The following RTN4 variants were observed in gnomAD, a reference collection of about 807,000 sequenced individuals.
The protein encoded by RTN4 is reticulon-4.
A neutral mutation model predicts 90.4 loss-of-function variants in RTN4; 32 were observed. That is an observed-to-expected ratio of 0.35 (90% CI 0.27 to 0.48). The LOEUF is 0.48. RTN4 is among the 20% of genes least tolerant of loss of function. RTN4 has a pLI of 0.99. For synonymous variants in RTN4, 629 were observed against 552.5 expected, an observed-to-expected ratio of 1.14 and a Z score of -1.94; for missense variants, 1,706 against 1,430.2, an observed-to-expected ratio of 1.19 and a Z score of -3.11.
Position 55,009,231 on chromosome 2 carries a change from T to C in RTN4, c.3013+15855A>G, listed in dbSNP as rs545740138. Reference sequence around the variant, plus strand: ...CAGGAAAAAAATTGCTTACGTAGAATGTCTATTTTGGACTACTTAAAAATA... The same window carrying C: ...CAGGAAAAAAATTGCTTACGTAGAACGTCTATTTTGGACTACTTAAAAATA... On this transcript the variant is annotated intron_variant, in intron 3 of 8. Transcript: ENST00000337526. Among the ~76,000 whole-genome samples the C allele has an allele frequency of 1.6e-3, 246 of 152,300 alleles. 1 individual carries two copies. The highest frequency in any genetic ancestry group is 2.9e-3 in the Non-Finnish European group (197 of 68,006).
intron 1 of RTN4, among the ~76,000 whole-genome samples, chr2:55,091,988 G>A (rs1668946769): frequency 6.6e-6 from 1 of 152,084 alleles, no homozygotes; most frequent in Admixed American, 6.5e-5. Context: ...CAACATGTGG[G>A]AATTCTGGGA....
chr2:55,026,019 A>G lies in RTN4; in HGVS notation c.2080T>C (p.Tyr694His). The stretch of plus-strand genomic sequence containing the variant: ...ATTAAATCACATGCAATAGATATAT[A>G]AGGAGCTTCTGTTTCTTGAAGAGCT... ...NAALQETEAP[Y>H]ISIACDLIKE... Residue 694 changes from tyrosine (Y) to histidine (H), a missense_variant, in exon 3 of 9, where the codon TAT (tyrosine) becomes CAT (histidine). Coordinates refer to ENST00000337526, the MANE Select transcript of RTN4 (RefSeq NM_020532.5). 6.2e-7 allele frequency: 1 copy of G among 1,612,156 alleles called. No homozygotes were observed. The highest frequency in any genetic ancestry group is 8.5e-7 in the Non-Finnish European group (1 of 1,179,536).
At chr2:55,096,567 C>T (rs1428102508) in intron 1 of RTN4, among the ~76,000 whole-genome samples, 3 of 152,202 alleles carry the variant, frequency 2.0e-5, no homozygotes, top group East Asian at 1.9e-4. Flanking sequence ...TCCTGCACCA[C>T]GTTATCAAAG....
Position 54,990,570 on chromosome 2 carries a change from A to G in RTN4, c.3014-2872T>C, listed in dbSNP as rs1043321309. Among the ~76,000 whole-genome samples, 29 of 152,310 alleles carry G rather than the reference A, an allele frequency of 1.9e-4. 1 individual carries two copies. The highest frequency in any genetic ancestry group is 7.0e-4 in the African/African-American group (29 of 41,552). Reference sequence around the variant, plus strand: ...ACCACAATCACAATCATCTTACTCAATACTTAAATAGTAAATACATAAAGA... The same window carrying G: ...ACCACAATCACAATCATCTTACTCAGTACTTAAATAGTAAATACATAAAGA... On this transcript the variant is annotated intron_variant, in intron 3 of 8. Transcript: ENST00000337526.
At chr2:55,046,921 C>T (rs555312027) in intron 1 of RTN4, 4 of 152,376 alleles carry the variant, frequency 2.6e-5, no homozygotes, top group African/African-American at 9.6e-5. Context: ...AGCATTCCAA[C>T]ACACAAGATT....
At chr2:55,000,264 A>T (rs1251808550) in intron 3 of RTN4, among the ~76,000 whole-genome samples, 1 of 152,162 alleles carries the variant, frequency 6.6e-6, no homozygotes, top group Admixed American at 6.5e-5. Context: ...TTACTGCTAC[A>T]AAAGTATCTC....
chr2:55,108,196 C>T (rs1343758814), intron 1 of RTN4, among the ~76,000 whole-genome samples: 3 of 152,122 alleles, frequency 2.0e-5, no homozygotes, highest in Admixed American at 2.0e-4. Context: ...TTCAGGTGAT[C>T]CACCTGCCTC....
intron 1 of RTN4, among the ~76,000 whole-genome samples, chr2:55,046,241 A>G (rs759107882): frequency 2.0e-5 from 3 of 152,174 alleles, no homozygotes; most frequent in Non-Finnish European, 4.4e-5. Flanking sequence ...TTCCAAACTT[A>G]TTTTAGTTCC....
chr2:55,085,156 TTAA>T (rs1313873584), intron 1 of RTN4, among the ~76,000 whole-genome samples: 1 of 152,186 alleles, frequency 6.6e-6, no homozygotes, highest in Non-Finnish European at 1.5e-5. Flanking sequence ...GCACACTGTA[TTAA>T]TTAGGGTTCT....
chr2:55,103,865 T>G (rs1432346113), intron 1 of RTN4, among the ~76,000 whole-genome samples: 1 of 151,924 alleles, frequency 6.6e-6, no homozygotes, highest in Non-Finnish European at 1.5e-5. Context: ...CGCCTAATTT[T>G]TGTATATTTA....
chr2:55,048,031 A>C (rs1667865881), intron 1 of RTN4, among the ~76,000 whole-genome samples: 1 of 152,228 alleles, frequency 6.6e-6, no homozygotes, highest in Non-Finnish European at 1.5e-5. Flanking sequence ...AGAGCCTACT[A>C]CATACCTATA....
chr2:55,119,257 T>G, the RTN4 span, among the ~76,000 whole-genome samples: 1 of 152,248 alleles, frequency 6.6e-6, no homozygotes, highest in East Asian at 1.9e-4. Context: ...TCAAGTTTCC[T>G]GCAATTACTC....
intron 1 of RTN4, among the ~76,000 whole-genome samples, chr2:55,042,159 G>C (rs746004401): frequency 5.9e-5 from 9 of 152,076 alleles, no homozygotes; most frequent in Non-Finnish European, 1.3e-4. Flanking sequence ...AAAGATATAA[G>C]GGAAAAGGTA....
chr2:55,129,362 C>T, the RTN4 span, among the ~76,000 whole-genome samples: 2 of 151,912 alleles, frequency 1.3e-5, no homozygotes, highest in Admixed American at 6.6e-5. Context: ...TCACTTGAGC[C>T]CAGGAGTTCG....
chr2:55,049,265 T>C (rs904116943), intron 1 of RTN4: 22 of 713,494 alleles, frequency 3.1e-5, no homozygotes, highest in Non-Finnish European at 3.4e-5. Context: ...CGGGGCAGAA[T>C]GCAGGCCAAC....
At chr2:55,097,596 G>A (rs560102084) in intron 1 of RTN4, among the ~76,000 whole-genome samples, 26 of 152,210 alleles carry the variant, frequency 1.7e-4, no homozygotes, top group African/African-American at 3.4e-4. Context: ...AGGAGGCCTC[G>A]AAGAGGCAGA....
chr2:55,000,129 G>A (rs753408693), intron 3 of RTN4, among the ~76,000 whole-genome samples: 1 of 152,104 alleles, frequency 6.6e-6, no homozygotes, highest in Non-Finnish European at 1.5e-5. Context: ...GGTCAAGAAA[G>A]GCAATCAAAT....
intron 1 of RTN4, among the ~76,000 whole-genome samples, chr2:55,044,320 G>A (rs1332877331): frequency 1.3e-5 from 2 of 152,120 alleles, no homozygotes; most frequent in Non-Finnish European, 2.9e-5. Context: ...AAGCCCAGGA[G>A]GTCAAGGGTA....
chr2:54,974,807 TAA>T, intron 5 of RTN4, 43 bp from the exon 6 acceptor site: 2 of 1,530,646 alleles, frequency 1.3e-6, no homozygotes, highest in South Asian at 1.1e-5. Context: ...AAAATTCAAG[TAA>T]AGTTTCTTAA....
Sources: allele counts gnomAD v4.1 joint callset (sites outside exome capture counted in the v4.1 genomes callset), GRCh38; gene constraint gnomAD v4.1.1; transcripts MANE v1.5; gene names NCBI Gene and HGNC (gene_info 2026-07-23, HGNC 2026-07-21).